The following TRABD2B variants were observed in gnomAD, a reference collection of about 807,000 sequenced individuals.
TRABD2B encodes TraB domain containing 2B, also known as metalloprotease TIKI2.
Under a neutral mutation model 40.1 loss-of-function variants are expected in TRABD2B, and 14 were observed. The ratio of observed to expected loss-of-function variants is 0.35; its 90% CI spans 0.23 to 0.55. The LOEUF is 0.55. TRABD2B is among the 20% of genes least tolerant of loss of function. TRABD2B has a pLI of 0.90. For synonymous variants in TRABD2B, 263 were observed against 277.0 expected, an observed-to-expected ratio of 0.95 and a Z score of 0.50; for missense variants, 541 against 648.6, an observed-to-expected ratio of 0.83 and a Z score of 1.80.
chr1:47,850,087 G>T (rs1021792572), intron 2 of TRABD2B, among the ~76,000 whole-genome samples: 3 of 152,252 alleles, frequency 2.0e-5, no homozygotes, highest in African/African-American at 7.2e-5. Flanking sequence ...ACCCTCAGCT[G>T]GGAGGTGGCT....
intron 2 of TRABD2B, among the ~76,000 whole-genome samples, chr1:47,904,489 T>C (rs1265056810): frequency 6.6e-6 from 1 of 152,146 alleles, no homozygotes. Flanking sequence ...AGTGGAGCAG[T>C]GGACAGGGAA....
intron 6 of TRABD2B, 44 bp downstream of exon 6, chr1:47,775,126 T>C: frequency 8.1e-7 from 1 of 1,232,446 alleles, no homozygotes; most frequent in East Asian, 3.2e-5. Context: ...CTATCCCGGG[T>C]GCAGACGCCC....
intron 2 of TRABD2B, among the ~76,000 whole-genome samples, chr1:47,948,673 A>T (rs1645295335): frequency 6.6e-6 from 1 of 152,192 alleles, no homozygotes; most frequent in Non-Finnish European, 1.5e-5. Context: ...TGAGAAGAAT[A>T]CAAAATTCTT....
intron 2 of TRABD2B, among the ~76,000 whole-genome samples, chr1:47,808,850 C>T (rs1366987781): frequency 6.6e-6 from 1 of 152,140 alleles, no homozygotes; most frequent in Non-Finnish European, 1.5e-5. Flanking sequence ...CAAGAAGAGA[C>T]AAGTAGGGGC....
intron 2 of TRABD2B, among the ~76,000 whole-genome samples, chr1:47,980,487 G>C (rs542004115): frequency 6.6e-6 from 1 of 152,146 alleles, no homozygotes; most frequent in Non-Finnish European, 1.5e-5. Flanking sequence ...GGGGACTCAG[G>C]GTCAGCACTC....
At position 47,909,230 on chromosome 1, in the gene TRABD2B, T is replaced by C. The variant is rs191474293; in HGVS notation, c.666+84804A>G. Among the ~76,000 whole-genome samples, 5 of 152,336 alleles carry C rather than the reference T, an allele frequency of 3.3e-5. No homozygotes were observed. In the East Asian group the frequency reaches 9.7e-4, roughly 29 times the overall value. The stretch of plus-strand genomic sequence containing the variant: ...TTTTGCATTGCTATAAAAGAATACC[T>C]GAGGCCGGATAATTTATAAATAAAA... On this transcript the variant is annotated intron_variant, in intron 2 of 6. Coordinates refer to ENST00000606738, the MANE Select transcript of TRABD2B (RefSeq NM_001194986.2).
intron 2 of TRABD2B, among the ~76,000 whole-genome samples, chr1:47,876,986 C>T (rs1038774000): frequency 1.7e-4 from 26 of 152,150 alleles, no homozygotes; most frequent in Non-Finnish European, 3.8e-4. Context: ...GCCCCTTTCA[C>T]ATTAAGCTTA....
At chr1:47,782,972 G>T (rs1384450472) in intron 4 of TRABD2B, among the ~76,000 whole-genome samples, 1 of 152,128 alleles carries the variant, frequency 6.6e-6, no homozygotes, top group Non-Finnish European at 1.5e-5. Context: ...AGGAAGATAC[G>T]TTCCATTTCA....
At chr1:47,901,863 G>C (rs1644604967) in intron 2 of TRABD2B, among the ~76,000 whole-genome samples, 1 of 152,098 alleles carries the variant, frequency 6.6e-6, no homozygotes, top group African/African-American at 2.4e-5. Context: ...GGGGCTCCTT[G>C]AGCAATCAGA....
chr1:47,836,416 T>C (rs2124468633), intron 2 of TRABD2B, among the ~76,000 whole-genome samples: 1 of 152,372 alleles, frequency 6.6e-6, no homozygotes, highest in South Asian at 2.1e-4. Flanking sequence ...GCTGTGTGGC[T>C]TGGGGCAATC....
chr1:47,977,675 G>A (rs572559069), intron 2 of TRABD2B, among the ~76,000 whole-genome samples: 1 of 137,528 alleles, frequency 7.3e-6, no homozygotes, highest in Admixed American at 7.5e-5. Flanking sequence ...AAGAATGGCC[G>A]GGATGAAAAA....
chr1:47,940,219 C>T (rs1645167786), intron 2 of TRABD2B, among the ~76,000 whole-genome samples: 1 of 152,234 alleles, frequency 6.6e-6, no homozygotes. Context: ...TGAACCTCCC[C>T]TGGCTCCCAG....
chr1:47,814,202 G>A (rs1008871696), intron 2 of TRABD2B, among the ~76,000 whole-genome samples: 2 of 152,254 alleles, frequency 1.3e-5, no homozygotes, highest in East Asian at 1.9e-4. Flanking sequence ...TGTCAGTGAC[G>A]GCAGGGGCTG....
intron 4 of TRABD2B, among the ~76,000 whole-genome samples, chr1:47,793,185 A>C (rs1644699272): frequency 6.6e-6 from 1 of 152,154 alleles, no homozygotes; most frequent in Admixed American, 6.5e-5. Flanking sequence ...AGATGGCCCA[A>C]GTGAGTCCTG....
intron 2 of TRABD2B, among the ~76,000 whole-genome samples, chr1:47,895,153 C>T (rs1423530111): frequency 6.6e-6 from 1 of 152,142 alleles, no homozygotes; most frequent in Non-Finnish European, 1.5e-5. Flanking sequence ...CCCCAGGAGA[C>T]GGCCACAGGG....
intron 2 of TRABD2B, among the ~76,000 whole-genome samples, chr1:47,836,064 T>G (rs1645314664): frequency 1.3e-5 from 2 of 152,158 alleles, no homozygotes; most frequent in Admixed American, 6.5e-5. Flanking sequence ...ACAGAAAAAG[T>G]TTTTATATAT....
intron 2 of TRABD2B, among the ~76,000 whole-genome samples, chr1:47,833,130 C>G (rs1183913042): frequency 6.6e-6 from 1 of 152,150 alleles, no homozygotes; most frequent in Non-Finnish European, 1.5e-5. Flanking sequence ...ATGCTTGGAC[C>G]AGGCAATGAT....
At chr1:47,963,402 G>A (rs1392313791) in intron 2 of TRABD2B, among the ~76,000 whole-genome samples, 3 of 152,172 alleles carry the variant, frequency 2.0e-5, no homozygotes, top group Admixed American at 1.3e-4. Context: ...TCAGGCCAGG[G>A]CATTTTCCCA....
chr1:47,963,059 T>G (rs1364596853), intron 2 of TRABD2B, among the ~76,000 whole-genome samples: 1 of 152,232 alleles, frequency 6.6e-6, no homozygotes, highest in Non-Finnish European at 1.5e-5. Context: ...AAATATTAAT[T>G]GTATGTGGGA....
Sources: gnomAD v4.1 joint callset for allele counts (sites outside exome capture counted in the v4.1 genomes callset) on GRCh38, gnomAD v4.1.1 for gene constraint, MANE v1.5 for transcripts, NCBI Gene and HGNC (gene_info 2026-07-23, HGNC 2026-07-21) for gene names.